The following CFAP47 variants were observed in gnomAD, a reference collection of about 807,000 sequenced individuals.
CFAP47 encodes the protein cilia- and flagella-associated protein 47.
In CFAP47, 29 loss-of-function variants were observed where a neutral mutation model predicts 148.1. The ratio of observed to expected loss-of-function variants is 0.20; its 90% confidence interval spans 0.15 to 0.27. CFAP47 has a LOEUF of 0.27. Ranked by LOEUF, CFAP47 falls within the 10% of genes least tolerant of loss-of-function variation. CFAP47 has a pLI of 1.00. For missense variants in CFAP47, 1,872 were observed against 1,697.5 expected (o/e 1.10, Z -1.81); for synonymous variants, 664 against 577.3 (o/e 1.15, Z -2.15).
intron 44 of CFAP47, among the ~76,000 whole-genome samples, chrX:36,203,103 T>A (rs960238964): frequency 4.5e-5 from 5 of 111,587 alleles, no homozygotes; most frequent in Non-Finnish European, 9.4e-5. Context: ...TTAAATGACC[T>A]GGATTTTGAA....
At chrX:36,380,406 G>T (rs782675901) in intron 63 of CFAP47, among the ~76,000 whole-genome samples, 1 of 112,765 alleles carries the variant, frequency 8.9e-6, no homozygotes, top group African/African-American at 3.2e-5. Context: ...AAAAGCATTT[G>T]TTGACATTTT....
chrX:35,971,984 C>T lies in CFAP47; in HGVS notation c.2254+19C>T. On this transcript the variant is annotated intron_variant, in intron 13 of 63. Coordinates refer to ENST00000378653, the MANE Select transcript of CFAP47 (RefSeq NM_001304548.2). Reference sequence around the variant, plus strand: ...ATTGTTGGTGAGAATACACAAAAACCTACTACAGCCTTTATTTTTTTATAA... The same window carrying T: ...ATTGTTGGTGAGAATACACAAAAACTTACTACAGCCTTTATTTTTTTATAA... The T allele has an allele frequency of 1.1e-6, 1 of 887,248 alleles. No homozygotes were observed. The highest frequency in any genetic ancestry group is 1.6e-6 in the Non-Finnish European group (1 of 636,979). 73.1% of individuals were successfully genotyped at this position (887,248 alleles called of 1,213,427 possible).
At chrX:36,110,469 GTATC>G (rs1185126715) in intron 33 of CFAP47, among the ~76,000 whole-genome samples, 1 of 110,864 alleles carries the variant, frequency 9.0e-6, no homozygotes, top group Non-Finnish European at 1.9e-5. Flanking sequence ...ATTGGTTTAT[GTATC>G]TGTTTTTGTA....
chrX:36,139,656 G>A (rs1159050051), intron 35 of CFAP47, among the ~76,000 whole-genome samples: 1 of 111,391 alleles, frequency 9.0e-6, no homozygotes, highest in African/African-American at 3.3e-5. Context: ...AAAATCATGA[G>A]GTTTGCTAGA....
intron 26 of CFAP47, among the ~76,000 whole-genome samples, chrX:36,052,797 T>C (rs938725370): frequency 1.8e-4 from 20 of 112,629 alleles, no homozygotes; most frequent in African/African-American, 5.8e-4. Context: ...AATTGAGGAA[T>C]AATGAAGGTA....
chrX:36,206,315 G>T (rs1387493077), intron 45 of CFAP47, among the ~76,000 whole-genome samples: 4 of 111,556 alleles, frequency 3.6e-5, no homozygotes, highest in Non-Finnish European at 7.5e-5. Context: ...ACTTGTTTTA[G>T]TAACTTTTTA....
chrX:36,371,332 G>A (rs1024028383), intron 62 of CFAP47, among the ~76,000 whole-genome samples: 2 of 109,831 alleles, frequency 1.8e-5, no homozygotes, highest in African/African-American at 6.6e-5. Flanking sequence ...CTCAATTCTG[G>A]TAGAGTATAG....
At chrX:35,926,379 A>G (rs1304175990) in intron 2 of CFAP47, among the ~76,000 whole-genome samples, 1 of 112,316 alleles carries the variant, frequency 8.9e-6, no homozygotes, top group Non-Finnish European at 1.9e-5. Flanking sequence ...TGAATGTATT[A>G]ATAATTGAAT....
At chrX:36,231,692 G>C (rs1940362852) in intron 46 of CFAP47, among the ~76,000 whole-genome samples, 1 of 111,167 alleles carries the variant, frequency 9.0e-6, no homozygotes, top group Non-Finnish European at 1.9e-5. Context: ...TCTTGTGCCA[G>C]TTTTCAAAGG....
intron 37 of CFAP47, among the ~76,000 whole-genome samples, chrX:36,153,747 T>C (rs1275936174): frequency 1.8e-5 from 2 of 112,139 alleles, no homozygotes; most frequent in Admixed American, 1.9e-4. Context: ...TCTGTGCCCA[T>C]CAGAGGGGCA....
In CFAP47 at chrX:36,385,015, TC is replaced by T. The variant is rs782433062; in HGVS notation, c.*11del. On this transcript the variant is annotated 3_prime_UTR_variant, in exon 64 of 64. Coordinates refer to ENST00000378653, the MANE Select transcript of CFAP47 (RefSeq NM_001304548.2). ...TGGTGAAGAATCAATAAAATTTTTT[TC>T]CAAAATATTTCTTGGTCTCAGGTAG... 8.0e-5 allele frequency: 88 copies of T among 1,096,449 alleles called. 1 individual carries two copies. In the South Asian group the frequency reaches 1.7e-3, roughly 21 times the overall value. The allele number at this position is 1,096,449 out of a possible 1,213,427, so 90.4% of individuals were successfully genotyped here. A position where few individuals can be genotyped will look rare whatever the true frequency, so the allele number is the denominator to read the frequency against.
chrX:36,308,374 T>G (rs782807577), intron 55 of CFAP47, among the ~76,000 whole-genome samples: 1 of 111,374 alleles, frequency 9.0e-6, no homozygotes, highest in African/African-American at 3.2e-5. Flanking sequence ...CTATCAGGTC[T>G]AGACCTCCTC....
chrX:36,147,741 A>T (rs1039898573), intron 36 of CFAP47, among the ~76,000 whole-genome samples: 2 of 112,465 alleles, frequency 1.8e-5, no homozygotes, highest in Admixed American at 1.9e-4. Flanking sequence ...CAAAGTTTCC[A>T]TTGAACTAAG....
intron 49 of CFAP47, among the ~76,000 whole-genome samples, chrX:36,274,430 G>A (rs886241361): frequency 3.6e-5 from 4 of 111,479 alleles, no homozygotes; most frequent in Admixed American, 9.6e-5. Context: ...ATAAAATATG[G>A]TAAGTTTAAA....
chrX:36,266,508 T>C (rs1478006657), intron 49 of CFAP47, among the ~76,000 whole-genome samples: 1 of 110,256 alleles, frequency 9.1e-6, no homozygotes, highest in Non-Finnish European at 1.9e-5. Context: ...AGTACTTCGG[T>C]GGGACAGTGG....
At chrX:36,123,086 C>A (rs1455418604) in intron 33 of CFAP47, among the ~76,000 whole-genome samples, 2 of 112,035 alleles carry the variant, frequency 1.8e-5, no homozygotes, top group Non-Finnish European at 3.8e-5. Flanking sequence ...TGGACAAAAT[C>A]CAGAGGAATT....
intron 30 of CFAP47, among the ~76,000 whole-genome samples, chrX:36,087,231 A>C (rs1220148406): frequency 8.9e-6 from 1 of 112,346 alleles, no homozygotes; most frequent in Non-Finnish European, 1.9e-5. Context: ...ACATGGCTTT[A>C]GAAGGTAATC....
At chrX:36,210,659 T>G (rs1602048721) in intron 45 of CFAP47, among the ~76,000 whole-genome samples, 1 of 112,314 alleles carries the variant, frequency 8.9e-6, no homozygotes, top group East Asian at 2.8e-4. Context: ...GTAAGTTGTC[T>G]TTTTACTCTC....
At chrX:36,175,371 C>T (rs778352177) in intron 39 of CFAP47, among the ~76,000 whole-genome samples, 46 of 111,954 alleles carry the variant, frequency 4.1e-4, no homozygotes, top group Admixed American at 1.6e-3. Flanking sequence ...GGAGGAGAGG[C>T]GCTCTGCTTT....
Sources: allele counts gnomAD v4.1 joint callset (sites outside exome capture counted in the v4.1 genomes callset), GRCh38; gene constraint gnomAD v4.1.1; transcripts MANE v1.5; gene names NCBI Gene and HGNC (gene_info 2026-07-23, HGNC 2026-07-21).